The following SGCZ variants were observed in gnomAD, a reference collection of about 807,000 sequenced individuals.
SGCZ encodes the protein zeta-sarcoglycan.
In SGCZ, 40 loss-of-function variants were observed where a neutral mutation model predicts 41.3. That is an observed-to-expected ratio of 0.97 (90% confidence interval 0.75 to 1.26). The LOEUF is 1.26. Among genes scored for constraint, SGCZ ranks in the 50% most tolerant of loss-of-function variants. The probability of loss-of-function intolerance (pLI) is 0.00; values close to 1 mark genes in which losing one functional copy is unlikely to be tolerated. For synonymous variants in SGCZ, 206 were observed against 137.5 expected, an observed-to-expected ratio of 1.50 and a Z score of -3.49; for missense variants, 552 against 369.8, an observed-to-expected ratio of 1.49 and a Z score of -4.04.
intron 3 of SGCZ, among the ~76,000 whole-genome samples, chr8:14,305,805 G>C (rs1801331474): frequency 6.6e-6 from 1 of 152,056 alleles, no homozygotes; most frequent in Non-Finnish European, 1.5e-5. Flanking sequence ...AACTTGTATT[G>C]GTTTATGGGA....
chr8:14,090,750 T>A (rs1801665747), intron 7 of SGCZ, 113 bp from the exon 8 acceptor site: 1 of 885,992 alleles, frequency 1.1e-6, no homozygotes, highest in South Asian at 1.8e-5. Context: ...AACAATTCCA[T>A]GGTTTAGCTG....
chr8:14,964,424 G>A (rs1466310804), intron 1 of SGCZ, among the ~76,000 whole-genome samples: 5 of 152,134 alleles, frequency 3.3e-5, no homozygotes, highest in African/African-American at 1.2e-4. Context: ...CCCTGCCTAG[G>A]ACTTTAGAGC....
chr8:14,448,688 T>C (rs909666116), intron 2 of SGCZ, among the ~76,000 whole-genome samples: 3 of 116,272 alleles, frequency 2.6e-5, no homozygotes, highest in Non-Finnish European at 5.6e-5. Flanking sequence ...GTTCTTAGAA[T>C]GTTTTCTTAG....
At chr8:14,491,477 T>A (rs932165962) in intron 2 of SGCZ, among the ~76,000 whole-genome samples, 1 of 152,218 alleles carries the variant, frequency 6.6e-6, no homozygotes, top group African/African-American at 2.4e-5. Context: ...ATTTGAGTAA[T>A]GTACCAAACA....
At chr8:14,296,120 C>G (rs1801002902) in intron 3 of SGCZ, among the ~76,000 whole-genome samples, 1 of 152,092 alleles carries the variant, frequency 6.6e-6, no homozygotes, top group Non-Finnish European at 1.5e-5. Flanking sequence ...TAGTTGTAGG[C>G]TTGGCCTAAA....
chr8:14,569,206 T>G (rs1419334730), intron 1 of SGCZ, among the ~76,000 whole-genome samples: 2 of 152,240 alleles, frequency 1.3e-5, no homozygotes, highest in Non-Finnish European at 2.9e-5. Context: ...ATGGTTTCAC[T>G]GATTCTGTTG....
chr8:14,753,209 G>A (rs1330250293), intron 1 of SGCZ, among the ~76,000 whole-genome samples: 1 of 152,024 alleles, frequency 6.6e-6, no homozygotes, highest in African/African-American at 2.4e-5. Flanking sequence ...CTGTCTTACG[G>A]AGCTAAATTA....
chr8:15,097,764 GTTTA>G (rs1435080536), intron 1 of SGCZ, among the ~76,000 whole-genome samples: 25 of 134,230 alleles, frequency 1.9e-4, no homozygotes, highest in Non-Finnish European at 3.3e-4. Flanking sequence ...GTATATATGT[GTTTA>G]TATATATATA....
At chr8:14,514,548 T>A (rs1346838633) in intron 2 of SGCZ, among the ~76,000 whole-genome samples, 5 of 151,428 alleles carry the variant, frequency 3.3e-5, no homozygotes. Flanking sequence ...ATCATCAGTG[T>A]ATGAATTTTC....
At chr8:14,160,306 C>G (rs1726601442) in intron 5 of SGCZ, among the ~76,000 whole-genome samples, 1 of 152,054 alleles carries the variant, frequency 6.6e-6, no homozygotes, top group African/African-American at 2.4e-5. Context: ...AGTTAATATA[C>G]TATGTGGAAT....
intron 5 of SGCZ, among the ~76,000 whole-genome samples, chr8:14,116,894 G>A (rs1452502965): frequency 3.9e-5 from 6 of 152,048 alleles, no homozygotes. Context: ...GCTCAGCGTT[G>A]ATTACTGTGA....
At chr8:14,451,049 T>C (rs965038292) in intron 2 of SGCZ, among the ~76,000 whole-genome samples, 3 of 152,188 alleles carry the variant, frequency 2.0e-5, no homozygotes, top group African/African-American at 4.8e-5. Context: ...GTACTTGTTT[T>C]AAGTGGTCCC....
intron 2 of SGCZ, among the ~76,000 whole-genome samples, chr8:14,429,832 T>C (rs1246483247): frequency 1.3e-5 from 2 of 152,088 alleles, no homozygotes; most frequent in Non-Finnish European, 2.9e-5. Context: ...ATTTCAATCT[T>C]GCTGCATGTT....
intron 3 of SGCZ, among the ~76,000 whole-genome samples, chr8:14,294,899 C>T (rs548688402): frequency 6.6e-6 from 1 of 152,022 alleles, no homozygotes; most frequent in African/African-American, 2.4e-5. Context: ...ATAATAATAA[C>T]AACAATTCTG....
intron 1 of SGCZ, among the ~76,000 whole-genome samples, chr8:14,730,292 G>C (rs571828125): frequency 7.2e-5 from 11 of 152,212 alleles, no homozygotes; most frequent in African/African-American, 2.4e-4. Flanking sequence ...TATAGATATA[G>C]AGAAAAATAA....
At chr8:14,729,309 T>G (rs1353622405) in intron 1 of SGCZ, among the ~76,000 whole-genome samples, 1 of 152,176 alleles carries the variant, frequency 6.6e-6, no homozygotes. Flanking sequence ...GAATGAACCT[T>G]TCAGTGTTTA....
intron 2 of SGCZ, among the ~76,000 whole-genome samples, chr8:14,453,263 A>C (rs73519306): frequency 0.072 from 11,001 of 152,208 alleles, 1,322 homozygotes; most frequent in African/African-American, 0.25. Context: ...CTATGTCTGA[A>C]GCTCTGTCTA....
intron 2 of SGCZ, among the ~76,000 whole-genome samples, chr8:14,469,668 G>T (rs1303577867): frequency 2.6e-5 from 4 of 151,786 alleles, no homozygotes; most frequent in African/African-American, 9.7e-5. Context: ...ATGATTAGAG[G>T]GTTAGAACTT....
At chr8:14,185,834 C>A (rs770633164) in intron 4 of SGCZ, among the ~76,000 whole-genome samples, 5 of 152,244 alleles carry the variant, frequency 3.3e-5, no homozygotes, top group Non-Finnish European at 7.4e-5. Flanking sequence ...TGAGCAGACC[C>A]CTTCTCTACT....
Sources: allele counts gnomAD v4.1 joint callset (sites outside exome capture counted in the v4.1 genomes callset), GRCh38; gene constraint gnomAD v4.1.1; transcripts MANE v1.5; gene names NCBI Gene and HGNC (gene_info 2026-07-23, HGNC 2026-07-21).